UBN2: variants seen among roughly 807,000 people sequenced by gnomAD.
The protein encoded by UBN2 is ubinuclein 2, also known as ubinuclein-2.
Under a neutral mutation model 120.2 loss-of-function variants are expected in UBN2, and 35 were observed. The ratio of observed to expected loss-of-function variants is 0.29; its 90% confidence interval spans 0.22 to 0.39. The LOEUF (loss-of-function observed/expected upper bound fraction) is 0.39. Ranked by LOEUF, UBN2 falls within the 10% of genes least tolerant of loss-of-function variation. The pLI, the probability that UBN2 is intolerant of heterozygous loss-of-function variation, is 1.00. For synonymous variants in UBN2, 661 were observed against 648.7 expected, an observed-to-expected ratio of 1.02 and a Z score of -0.29; for missense variants, 1,693 against 1,663.2, an observed-to-expected ratio of 1.02 and a Z score of -0.31.
chr7:139,295,229 C>T (rs1774457902), intron 17 of UBN2, among the ~76,000 whole-genome samples: 1 of 152,080 alleles, frequency 6.6e-6, no homozygotes, highest in Non-Finnish European at 1.5e-5. Flanking sequence ...AAGTGGTGAG[C>T]TGTCTCAGTC....
At chr7:139,262,546 A>G (rs1796969616) in intron 6 of UBN2, among the ~76,000 whole-genome samples, 1 of 152,064 alleles carries the variant, frequency 6.6e-6, no homozygotes. Flanking sequence ...CCCTGTCTCT[A>G]CTAAAAATAC....
intron 12 of UBN2, chr7:139,276,431 G>A: frequency 2.4e-6 from 1 of 414,884 alleles, no homozygotes. Flanking sequence ...CTACCTGCCA[G>A]TCTTTTTCTC....
At chr7:139,232,895 G>C (rs1336083186) in intron 1 of UBN2, among the ~76,000 whole-genome samples, 2 of 152,182 alleles carry the variant, frequency 1.3e-5, no homozygotes, top group African/African-American at 4.8e-5. Flanking sequence ...ATTGTTGTGG[G>C]TTGGTGGATC....
At chr7:139,251,069 C>T (rs1796611780) in intron 2 of UBN2, among the ~76,000 whole-genome samples, 1 of 152,108 alleles carries the variant, frequency 6.6e-6, no homozygotes, top group Non-Finnish European at 1.5e-5. Context: ...CATGCCACTG[C>T]ACTCCAGCCT....
At position 139,236,981 on chromosome 7, in the gene UBN2, C is replaced by T. The variant is rs192248947; in HGVS notation, c.469-24C>T. 84 of 1,516,720 alleles carry T rather than the reference C, an allele frequency of 5.5e-5. No individual in the cohort carries two copies. The African/African-American group carries it at 6.9e-4, about 12-fold the overall frequency. 94.0% of individuals were successfully genotyped at this position (1,516,720 alleles called of 1,614,324 possible). Reference sequence around the variant, plus strand: ...GTAATACTAATGGATACTTCTCTTTCTTTTCCCATTCACCTTGAATCAGAA... The same window carrying T: ...GTAATACTAATGGATACTTCTCTTTTTTTTCCCATTCACCTTGAATCAGAA... On this transcript the variant is annotated intron_variant, in intron 1 of 17. Coordinates refer to ENST00000473989, the MANE Select transcript of UBN2 (RefSeq NM_173569.4).
At chr7:139,244,732 A>G (rs1796418575) in intron 2 of UBN2, among the ~76,000 whole-genome samples, 1 of 152,060 alleles carries the variant, frequency 6.6e-6, no homozygotes, top group African/African-American at 2.4e-5. Context: ...AGATGAGAAT[A>G]TCCTGTTCAT....
At chr7:139,262,966 C>G (rs1407306267) in intron 6 of UBN2, among the ~76,000 whole-genome samples, 1 of 152,046 alleles carries the variant, frequency 6.6e-6, no homozygotes, top group Non-Finnish European at 1.5e-5. Context: ...TAGCAGGAAC[C>G]AATCCTGTGT....
chr7:139,291,443 A>G (rs2131060295), intron 15 of UBN2, among the ~76,000 whole-genome samples: 1 of 151,986 alleles, frequency 6.6e-6, no homozygotes, highest in East Asian at 1.9e-4. Flanking sequence ...GAAAATTTGG[A>G]TTTGGTAAAA....
chr7:139,323,936 C>T, the UBN2 span, among the ~76,000 whole-genome samples: 2 of 152,106 alleles, frequency 1.3e-5, no homozygotes, highest in Admixed American at 6.5e-5. Flanking sequence ...CCATTAGCCC[C>T]ATCTCAGTGC....
At chr7:139,250,983 C>T (rs1479665663) in intron 2 of UBN2, among the ~76,000 whole-genome samples, 1 of 151,820 alleles carries the variant, frequency 6.6e-6, no homozygotes. Flanking sequence ...AGGCATGCAC[C>T]TGTAGTCCCA....
At position 139,307,955 on chromosome 7, in the gene UBN2, C is replaced by G. The variant is rs969358442; in HGVS notation, c.*10119C>G. The G allele has an allele frequency of 6.6e-6, 1 of 151,336 alleles. No individual in the cohort carries two copies. Among genetic ancestry groups the G allele is most frequent in the Non-Finnish European group, 1.5e-5 (1 of 67,922 alleles). The allele number at this position is 151,336 out of a possible 1,614,324, so 9.4% of individuals were successfully genotyped here. ...GGATATGTGAGAGGGCATAAACATT[C>G]CTAAATATGGACCTGTGAATTTAGT... On this transcript the variant is annotated 3_prime_UTR_variant, in exon 18 of 18. Coordinates refer to ENST00000473989, the MANE Select transcript of UBN2 (RefSeq NM_173569.4).
intron 15 of UBN2, among the ~76,000 whole-genome samples, chr7:139,286,421 C>T (rs1290434820): frequency 1.3e-5 from 2 of 152,100 alleles, no homozygotes; most frequent in Non-Finnish European, 2.9e-5. Flanking sequence ...ATCTCTATGC[C>T]ACTTCTTTGT....
At chr7:139,281,966 TA>T in intron 13 of UBN2, 38 bp from the exon 14 acceptor site, 1 of 1,593,484 alleles carries the variant, frequency 6.3e-7, no homozygotes, top group East Asian at 2.2e-5. Context: ...AGTTAGAGTG[TA>T]ACAGTATTCT....
the UBN2 span, among the ~76,000 whole-genome samples, chr7:139,320,187 C>T: frequency 1.3e-5 from 2 of 151,672 alleles, no homozygotes; most frequent in Non-Finnish European, 2.9e-5. Flanking sequence ...TCTGACCAGA[C>T]GTGATGGCTC....
chr7:139,329,767 A>G, the UBN2 span, among the ~76,000 whole-genome samples: 2 of 152,046 alleles, frequency 1.3e-5, no homozygotes, highest in Non-Finnish European at 2.9e-5. Flanking sequence ...TTTGGAATCC[A>G]ACTCTGCTCT....
intron 15 of UBN2, among the ~76,000 whole-genome samples, chr7:139,288,865 G>T (rs1313127341): frequency 1.3e-5 from 2 of 151,970 alleles, no homozygotes; most frequent in South Asian, 4.1e-4. Flanking sequence ...AGCTGGGTAT[G>T]GTGGCACGTG....
At position 139,298,156 on chromosome 7, in the gene UBN2, A is replaced by C. The variant is rs1036497049; in HGVS notation, c.*320A>C. On this transcript the variant is annotated 3_prime_UTR_variant, in exon 18 of 18. Transcript: ENST00000473989. ...ATTTGATTTTTCCCGGGGGAGGAAG[A>C]AGGAAGTGAAGAGAATTTGGGTAAA... 4 of 267,904 alleles carry C rather than the reference A, an allele frequency of 1.5e-5. No homozygotes were observed. The highest frequency in any genetic ancestry group is 4.9e-5 in the Admixed American group (1 of 20,268). The allele number at this position is 267,904 out of a possible 1,614,324, so 16.6% of individuals were successfully genotyped here.
rs1048121681 is a variant in UBN2 at position 139,304,581 on chromosome 7, T to C, written c.*6745T>C. 7.2e-5 allele frequency: 11 copies of C among 151,888 alleles called. No homozygotes were observed. The highest frequency in any genetic ancestry group is 2.7e-4 in the African/African-American group (11 of 41,396). 9.4% of individuals were successfully genotyped at this position (151,888 alleles called of 1,614,324 possible). On this transcript the variant is annotated 3_prime_UTR_variant, in exon 18 of 18. Coordinates refer to ENST00000473989, the MANE Select transcript of UBN2 (RefSeq NM_173569.4). ...CATATTCAGGGTCAGGAAAGCAAAA[T>C]GTTGGGGATGAGGAACCAGTGTTAC...
intron 4 of UBN2, 117 bp from the exon 5 acceptor site, chr7:139,259,150 A>T (rs547161287): frequency 6.9e-7 from 1 of 1,445,532 alleles, no homozygotes; most frequent in Admixed American, 2.6e-5. Context: ...CAGTTATAAC[A>T]AACGATTGTA....
Sources: allele counts gnomAD v4.1 joint callset (sites outside exome capture counted in the v4.1 genomes callset), GRCh38; gene constraint gnomAD v4.1.1; transcripts MANE v1.5; gene names NCBI Gene and HGNC (gene_info 2026-07-23, HGNC 2026-07-21).